PDZK1: variants seen among roughly 807,000 people sequenced by gnomAD.
PDZK1 encodes the protein Na(+)/H(+) exchange regulatory cofactor NHE-RF3.
Under a neutral mutation model 38.1 loss-of-function variants are expected in PDZK1, and 23 were observed. The ratio of observed to expected loss-of-function variants is 0.60; its 90% CI spans 0.43 to 0.85. The LOEUF (loss-of-function observed/expected upper bound fraction) is 0.85, where lower values mean the gene tolerates loss of function less well. Ranked by LOEUF, PDZK1 falls within the 40% of genes least tolerant of loss-of-function variation. The probability of loss-of-function intolerance (pLI) is 0.00; values close to 1 mark genes in which losing one functional copy is unlikely to be tolerated. For synonymous variants in PDZK1, 98 were observed against 186.2 expected, an observed-to-expected ratio of 0.53 and a Z score of 3.86; for missense variants, 297 against 504.3, an observed-to-expected ratio of 0.59 and a Z score of 3.94.
At chr1:145,692,967 C>T (rs782052135) in intron 1 of PDZK1, among the ~76,000 whole-genome samples, 1 of 151,832 alleles carries the variant, frequency 6.6e-6, no homozygotes, top group African/African-American at 2.4e-5. Flanking sequence ...GCCAAGATTG[C>T]GTCACTGCAC....
chr1:145,689,957 C>T (rs1553702809), intron 1 of PDZK1, among the ~76,000 whole-genome samples: 1 of 152,160 alleles, frequency 6.6e-6, no homozygotes, highest in African/African-American at 2.4e-5. Context: ...AGCCCCACGC[C>T]ACCAGTGGCA....
At chr1:145,698,654 C>T (rs182688606) in intron 1 of PDZK1, among the ~76,000 whole-genome samples, 4 of 152,214 alleles carry the variant, frequency 2.6e-5, no homozygotes, top group East Asian at 1.9e-4. Context: ...GTAGGCCAGG[C>T]GCAGTGGCTC....
At position 145,698,511 on chromosome 1, in the gene PDZK1, T is replaced by A. The variant is rs1385471719; in HGVS notation, c.-3+8806A>T. Among the ~76,000 whole-genome samples the A allele has an allele frequency of 4.6e-5, 7 of 152,032 alleles. No individual in the cohort carries two copies. The East Asian group carries it at 1.2e-3, about 25-fold the overall frequency. On this transcript the variant is annotated intron_variant, in intron 1 of 8. Transcript: ENST00000417171. ...GTCTAAGAAACAACTTAGGTTAAAA[T>A]ATATATATATAATAAACTTGCAGCA...
chr1:145,691,394 A>G (rs587607052), intron 1 of PDZK1, among the ~76,000 whole-genome samples: 6 of 152,048 alleles, frequency 3.9e-5, no homozygotes, highest in Admixed American at 3.9e-4. Flanking sequence ...CTTTCGCAAG[A>G]CTCTGTCATT....
rs377637018 is a variant in PDZK1, at chr1:145,687,760, G to T, written c.210+52C>A. On this transcript the variant is annotated intron_variant, in intron 2 of 8. Coordinates refer to ENST00000417171, the MANE Select transcript of PDZK1 (RefSeq NM_001201325.2). The stretch of plus-strand genomic sequence containing the variant: ...CCCCAAAATTATAATCAGCAGAGAA[G>T]ATGTGGGGGCTGAAGAGATCCTGGA... 4 of 1,442,070 alleles carry T rather than the reference G, an allele frequency of 2.8e-6. No homozygotes were observed. In the African/African-American group the frequency reaches 5.6e-5, roughly 20 times the overall value. The allele number at this position is 1,442,070 out of a possible 1,614,324, so 89.3% of individuals were successfully genotyped here.
At chr1:145,674,324 C>G (rs1653415741) in intron 6 of PDZK1, 6 of 929,808 alleles carry the variant, frequency 6.5e-6, no homozygotes, top group Non-Finnish European at 7.7e-6. Flanking sequence ...GTCTTCAGAG[C>G]TCCTTAAACA....
chr1:145,687,146 A>G (rs943134193), intron 2 of PDZK1, among the ~76,000 whole-genome samples: 2 of 152,132 alleles, frequency 1.3e-5, no homozygotes, highest in African/African-American at 4.8e-5. Context: ...AAGCTAAGAT[A>G]TCTGTACTTA....
intron 1 of PDZK1, among the ~76,000 whole-genome samples, chr1:145,690,013 A>G (rs1185178812): frequency 2.6e-5 from 4 of 152,336 alleles, no homozygotes; most frequent in Non-Finnish European, 2.9e-5. Flanking sequence ...TAGACTCCCC[A>G]TCGAGCATTG....
chr1:145,699,256 A>G (rs1234013991), intron 1 of PDZK1, among the ~76,000 whole-genome samples: 2 of 152,098 alleles, frequency 1.3e-5, no homozygotes, highest in African/African-American at 4.8e-5. Context: ...AAAAAATAAA[A>G]TAAATTTAAA....
intron 1 of PDZK1, among the ~76,000 whole-genome samples, chr1:145,703,114 A>C (rs1000727288): frequency 6.6e-6 from 1 of 152,210 alleles, no homozygotes; most frequent in African/African-American, 2.4e-5. Flanking sequence ...TTCAAGGCTC[A>C]GTTCAAATTT....
chr1:145,683,950 G>A lies in PDZK1; in HGVS notation c.461-1314C>T, dbSNP rs587632920. Among the ~76,000 whole-genome samples, 8 of 150,598 alleles carry A rather than the reference G, an allele frequency of 5.3e-5. No homozygotes were observed. The East Asian group carries it at 7.9e-4, about 15-fold the overall frequency. On this transcript the variant is annotated intron_variant, in intron 3 of 8. Transcript: ENST00000417171. ...CAACCTCTGCCTCCCCGGTTCAAGC[G>A]ATTCTCCTGCCTCAGCCTCTCGAGT...
chr1:145,690,410 A>T (rs1004428831), intron 1 of PDZK1, among the ~76,000 whole-genome samples: 3 of 152,232 alleles, frequency 2.0e-5, no homozygotes, highest in South Asian at 4.1e-4. Context: ...TCAGACAGTA[A>T]TTACATAAAT....
At chr1:145,683,672 G>A (rs1366699824) in intron 3 of PDZK1, among the ~76,000 whole-genome samples, 3 of 152,052 alleles carry the variant, frequency 2.0e-5, no homozygotes, top group African/African-American at 4.8e-5. Context: ...ATAGTATACC[G>A]AACCCTATAT....
chr1:145,706,172 G>A (rs1385507794), intron 1 of PDZK1, among the ~76,000 whole-genome samples: 4 of 152,190 alleles, frequency 2.6e-5, no homozygotes, highest in African/African-American at 9.7e-5. Flanking sequence ...CTAATGGCCT[G>A]TCACTAGCAA....
intron 5 of PDZK1, among the ~76,000 whole-genome samples, chr1:145,679,824 T>G (rs1167863179): frequency 2.6e-5 from 4 of 152,180 alleles, no homozygotes; most frequent in African/African-American, 9.7e-5. Context: ...ATAAGCCAAG[T>G]TCAAACTCAT....
At position 145,671,488 on chromosome 1, in the gene PDZK1, G is replaced by T. The variant is rs782219554; in HGVS notation, c.1508C>A (p.Ala503Asp). 16 of 1,550,284 alleles carry T rather than the reference G, an allele frequency of 1.0e-5. No individual in the cohort carries two copies. The Admixed American group carries it at 2.2e-4, about 21-fold the overall frequency. ...AGAAGAATGTGAGGCTGTACTGTGGGCCTGTGTATAAGAAAACAAAGAATT... is the reference window on the plus strand; with the variant it reads ...AGAAGAATGTGAGGCTGTACTGTGGTCCTGTGTATAAGAAAACAAAGAATT... ...NHDSHMAKER[A>D]HSTASHSSSN... is the part of the protein sequence containing the mutation. The change falls in exon 9 of 9, where the codon GCC (alanine) becomes GAC (aspartate). Residue 503 changes from alanine (A) to aspartate (D), a missense_variant and splice_region_variant. This residue lies in a region of PDZK1 where 54 missense variants were observed against 72.1 expected (regional missense o/e 0.75). Coordinates refer to ENST00000417171, the MANE Select transcript of PDZK1 (RefSeq NM_001201325.2).
In PDZK1 at chr1:145,672,982, C is replaced by G; in HGVS notation, c.1254G>C (p.Glu418Asp). ...TCACTTCAATGATGACATCCTCATC[C>G]TCTAGCCCAGCCAAGTCAGCAGGAC... ...KGGPADLAGL[E>D]DEDVIIEVNG... The change falls in exon 8 of 9, where the codon GAG becomes GAC. Residue 418 changes from glutamate (E) to aspartate (D), a missense_variant. Glu to Asp is a conservative substitution (Grantham distance 45). Transcript: ENST00000417171. 6.4e-7 allele frequency: 1 copy of G among 1,559,334 alleles called. No individual in the cohort carries two copies. The highest frequency in any genetic ancestry group is 2.3e-4 in the Middle Eastern group (1 of 4,312).
At chr1:145,694,157 AGGGG>A (rs1297578606) in intron 1 of PDZK1, among the ~76,000 whole-genome samples, 3 of 152,184 alleles carry the variant, frequency 2.0e-5, no homozygotes, top group Non-Finnish European at 4.4e-5. Context: ...AATTAAGTCT[AGGGG>A]ATTGCTCCCC....
intron 3 of PDZK1, among the ~76,000 whole-genome samples, chr1:145,683,913 C>T (rs1328134335): frequency 1.3e-5 from 2 of 149,916 alleles, no homozygotes; most frequent in African/African-American, 2.5e-5. Flanking sequence ...GGGCCGCAAT[C>T]TTGGCTCACA....
Sources: allele counts gnomAD v4.1 joint callset (sites outside exome capture counted in the v4.1 genomes callset), GRCh38; gene constraint gnomAD v4.1.1; regional missense constraint gnomAD v4.1.1; transcripts MANE v1.5; gene names NCBI Gene and HGNC (gene_info 2026-07-23, HGNC 2026-07-21).